ANK2: variants seen among roughly 807,000 people sequenced by gnomAD.
The protein encoded by ANK2 is ankyrin 2, also known as ankyrin-2.
In ANK2, 83 loss-of-function variants were observed where a neutral mutation model predicts 360.5. The ratio of observed to expected loss-of-function variants is 0.23; its 90% CI spans 0.19 to 0.28. The LOEUF (loss-of-function observed/expected upper bound fraction) is 0.28. Ranked by LOEUF, ANK2 falls within the 10% of genes least tolerant of loss-of-function variation. The pLI, the probability that ANK2 is intolerant of heterozygous loss-of-function variation, is 1.00. For synonymous variants in ANK2, 1,740 were observed against 1,759.5 expected (o/e 0.99, Z 0.28); for missense variants, 4,201 against 4,795.7 (o/e 0.88, Z 3.66).
chr4:113,209,320 T>C (rs1248666261), intron 4 of ANK2, among the ~76,000 whole-genome samples: 3 of 151,852 alleles, frequency 2.0e-5, no homozygotes, highest in Middle Eastern at 3.4e-3. Context: ...TGTCAGACTC[T>C]CAGTTCACTT....
intron 1 of ANK2, among the ~76,000 whole-genome samples, chr4:112,885,148 A>T (rs1432803483): frequency 1.3e-5 from 2 of 152,002 alleles, no homozygotes; most frequent in Non-Finnish European, 2.9e-5. Context: ...TCTTCACTTA[A>T]TCTTTCCCCA....
At chr4:113,088,091 T>A (rs1473227071) in intron 1 of ANK2, among the ~76,000 whole-genome samples, 1 of 152,160 alleles carries the variant, frequency 6.6e-6, no homozygotes, top group East Asian at 1.9e-4. Flanking sequence ...TCATAATCAA[T>A]CCATAAGTGT....
chr4:113,052,724 A>G (rs976285222), intron 1 of ANK2, among the ~76,000 whole-genome samples: 6 of 152,198 alleles, frequency 3.9e-5, no homozygotes, highest in Admixed American at 6.5e-5. Flanking sequence ...GTGGTTGAAC[A>G]TGATGGGTTT....
At chr4:113,333,706 T>A (rs2092987544) in intron 29 of ANK2, among the ~76,000 whole-genome samples, 1 of 152,214 alleles carries the variant, frequency 6.6e-6, no homozygotes. Flanking sequence ...CTATAATTTT[T>A]AAACTATTAT....
At chr4:113,135,504 T>G (rs144853721) in intron 1 of ANK2, among the ~76,000 whole-genome samples, 2 of 142,944 alleles carry the variant, frequency 1.4e-5, no homozygotes, top group African/African-American at 5.3e-5. Context: ...GGCCAAACCA[T>G]AGAGCTGTGT....
chr4:112,711,685 T>C, the ANK2 span, among the ~76,000 whole-genome samples: 3 of 151,614 alleles, frequency 2.0e-5, no homozygotes, highest in Non-Finnish European at 4.4e-5. Context: ...CCGGGTGTAG[T>C]GGAGGGCACC....
intron 7 of ANK2, 88 bp downstream of exon 7, chr4:113,237,710 A>C: frequency 8.3e-7 from 1 of 1,210,008 alleles, no homozygotes; most frequent in Non-Finnish European, 1.2e-6. Flanking sequence ...ATTCATACTA[A>C]TGATTAGAAG....
the ANK2 span, among the ~76,000 whole-genome samples, chr4:112,782,831 T>C: frequency 4.0e-5 from 6 of 151,054 alleles, no homozygotes; most frequent in African/African-American, 9.7e-5. Context: ...ATTGCACCAC[T>C]GCACTCCAGC....
At chr4:112,821,319 G>T (rs2056963348) in intron 1 of ANK2, among the ~76,000 whole-genome samples, 1 of 152,110 alleles carries the variant, frequency 6.6e-6, no homozygotes, top group Non-Finnish European at 1.5e-5. Context: ...TAGTAGCTGG[G>T]ATTACAGGCA....
intron 45 of ANK2, among the ~76,000 whole-genome samples, chr4:113,380,481 C>T (rs1308477524): frequency 1.3e-5 from 2 of 152,068 alleles, no homozygotes; most frequent in African/African-American, 4.8e-5. Flanking sequence ...GCCAACATGA[C>T]AAAACCCTGT....
In ANK2 at chr4:113,043,442, T is replaced by TAA. The variant is rs141769112; in HGVS notation, c.22-130963_22-130962dup. Among the ~76,000 whole-genome samples the TAA allele has an allele frequency of 8.9e-3, 1,276 of 144,122 alleles. 18 individuals are homozygous for TAA. Among genetic ancestry groups the TAA allele is most frequent in the African/African-American group, 0.03 (1,195 of 39,478 alleles). 94.5% of individuals were successfully genotyped at this position (144,122 alleles called of 152,430 possible). A position where few individuals can be genotyped will look rare whatever the true frequency, so the allele number is the denominator to read the frequency against. ...ACATTCCAACAAATACCAGGGGCTT[T>TAA]AAAAAAAAAAAAGAGACAGGGTCTC... On this transcript the variant is annotated intron_variant, in intron 2 of 30. Transcript: ENST00000503271.
At chr4:112,913,315 A>G (rs1276169372) in intron 2 of ANK2, among the ~76,000 whole-genome samples, 4 of 152,212 alleles carry the variant, frequency 2.6e-5, no homozygotes, top group Admixed American at 1.3e-4. Flanking sequence ...TTTGACTAGT[A>G]TAATTATTTT....
chr4:113,372,794 C>T (rs1034988462), intron 43 of ANK2, among the ~76,000 whole-genome samples: 11 of 152,310 alleles, frequency 7.2e-5, no homozygotes, highest in African/African-American at 2.4e-4. Context: ...TGCAGTGGTT[C>T]CAGCTTTCCT....
chr4:113,076,837 A>G (rs903591920), intron 1 of ANK2, among the ~76,000 whole-genome samples: 11 of 151,952 alleles, frequency 7.2e-5, no homozygotes, highest in Non-Finnish European at 1.6e-4. Context: ...AGACAGCTGT[A>G]TTATACAATG....
At chr4:112,839,724 C>T (rs1329047303) in intron 1 of ANK2, among the ~76,000 whole-genome samples, 1 of 152,132 alleles carries the variant, frequency 6.6e-6, no homozygotes, top group African/African-American at 2.4e-5. Context: ...TACAATTAAT[C>T]CATGATATGT....
At chr4:112,987,794 A>C (rs577274030) in intron 2 of ANK2, among the ~76,000 whole-genome samples, 2 of 152,234 alleles carry the variant, frequency 1.3e-5, no homozygotes, top group African/African-American at 4.8e-5. Context: ...TTAGTTCTAT[A>C]ACATATATGT....
At chr4:113,191,038 C>T (rs2098652750) in intron 2 of ANK2, among the ~76,000 whole-genome samples, 1 of 152,068 alleles carries the variant, frequency 6.6e-6, no homozygotes, top group Non-Finnish European at 1.5e-5. Context: ...ATGAAAATGG[C>T]ATTTACATAG....
chr4:113,000,172 T>C (rs549591489), intron 2 of ANK2, among the ~76,000 whole-genome samples: 1 of 152,330 alleles, frequency 6.6e-6, no homozygotes, highest in East Asian at 1.9e-4. Flanking sequence ...GGAAAGTGAC[T>C]GTGAAATATA....
intron 1 of ANK2, among the ~76,000 whole-genome samples, chr4:113,159,331 A>G (rs1329568503): frequency 6.6e-6 from 1 of 152,122 alleles, no homozygotes; most frequent in Non-Finnish European, 1.5e-5. Context: ...TTTTATATAC[A>G]TAGTAATTAT....
Sources: allele counts gnomAD v4.1 joint callset (sites outside exome capture counted in the v4.1 genomes callset), GRCh38; gene constraint gnomAD v4.1.1; transcripts MANE v1.5; gene names NCBI Gene and HGNC (gene_info 2026-07-23, HGNC 2026-07-21).